ATP8A1: variants seen among roughly 807,000 people sequenced by gnomAD.
ATP8A1 encodes ATPase phospholipid transporting 8A1.
ATP8A1 carries 90 observed loss-of-function variants against 177.7 expected under a neutral mutation model. The ratio of observed to expected loss-of-function variants is 0.51; its 90% CI spans 0.43 to 0.60. The LOEUF (loss-of-function observed/expected upper bound fraction) is 0.60. Ranked by LOEUF, ATP8A1 falls within the 20% of genes least tolerant of loss-of-function variation. The pLI, the probability that ATP8A1 is intolerant of heterozygous loss-of-function variation, is 0.00. For synonymous variants in ATP8A1, 493 were observed against 485.9 expected (o/e 1.01, Z -0.19); for missense variants, 1,072 against 1,392.8 (o/e 0.77, Z 3.67).
intron 1 of ATP8A1, among the ~76,000 whole-genome samples, chr4:42,642,447 C>A (rs976620429): frequency 6.6e-6 from 1 of 152,132 alleles, no homozygotes; most frequent in Non-Finnish European, 1.5e-5. Context: ...AAGGAATGGT[C>A]GGCATCCTTC....
chr4:42,523,830 A>G (rs115609827), intron 21 of ATP8A1, among the ~76,000 whole-genome samples: 1,537 of 152,222 alleles, frequency 0.01, 24 homozygotes, highest in African/African-American at 0.036. Flanking sequence ...ATGCTTTTAC[A>G]TTTTGAAGAA....
intron 5 of ATP8A1, among the ~76,000 whole-genome samples, chr4:42,613,938 G>A (rs1230422555): frequency 1.3e-5 from 2 of 151,874 alleles, no homozygotes; most frequent in Non-Finnish European, 2.9e-5. Context: ...ATCTTAGGAT[G>A]AGAAACCTAC....
At chr4:42,650,146 G>A (rs1403021382) in intron 1 of ATP8A1, among the ~76,000 whole-genome samples, 1 of 152,180 alleles carries the variant, frequency 6.6e-6, no homozygotes, top group African/African-American at 2.4e-5. Context: ...TTAGGTATAT[G>A]CTTCAATTCT....
chr4:42,541,499 A>T lies in ATP8A1; in HGVS notation c.1722+2418T>A, dbSNP rs1310707029. Among the ~76,000 whole-genome samples, 3 of 152,350 alleles carry T rather than the reference A, an allele frequency of 2.0e-5. No individual in the cohort carries two copies. In the East Asian group the frequency reaches 5.8e-4, roughly 29 times the overall value. On this transcript the variant is annotated intron_variant, in intron 20 of 36. Transcript: ENST00000381668. ...AAATGAAACATACTCTTACTGTAAGATCTTGCAATTATTCTCCTTGGTATT... is the reference window on the plus strand; with the variant it reads ...AAATGAAACATACTCTTACTGTAAGTTCTTGCAATTATTCTCCTTGGTATT...
In ATP8A1 at chr4:42,522,152, C is replaced by A. The variant is rs764962706; in HGVS notation, c.1947+8G>T. 30 of 1,604,600 alleles carry A rather than the reference C, an allele frequency of 1.9e-5. No individual in the cohort carries two copies. The highest frequency in any genetic ancestry group is 2.5e-5 in the Non-Finnish European group (29 of 1,177,758). On this transcript the variant is annotated splice_region_variant and intron_variant, in intron 22 of 36. Transcript: ENST00000381668. ...CCCTCTGTATGATCAACAGAATCATCCACGTACCTTTTCAATCAACTCATA... is the reference window on the plus strand; with the variant it reads ...CCCTCTGTATGATCAACAGAATCATACACGTACCTTTTCAATCAACTCATA...
chr4:42,623,926 A>C (rs1737773579), intron 4 of ATP8A1, among the ~76,000 whole-genome samples: 1 of 152,148 alleles, frequency 6.6e-6, no homozygotes, highest in Non-Finnish European at 1.5e-5. Context: ...CCAAACCAAA[A>C]CAAAACATTG....
chr4:42,586,948 T>G (rs1733667672), intron 8 of ATP8A1, among the ~76,000 whole-genome samples: 1 of 152,208 alleles, frequency 6.6e-6, no homozygotes, highest in South Asian at 2.1e-4. Flanking sequence ...CAGCTGTCAC[T>G]GAGCAGGGCC....
At chr4:42,596,684 A>AAAG (rs1553913107) in intron 6 of ATP8A1, among the ~76,000 whole-genome samples, 1 of 150,466 alleles carries the variant, frequency 6.6e-6, no homozygotes, top group Non-Finnish European at 1.5e-5. Flanking sequence ...AAAAAAAAAA[A>AAAG]GAAAAGAAAA....
chr4:42,416,761 A>G (rs1038638749), intron 35 of ATP8A1, among the ~76,000 whole-genome samples: 7 of 150,928 alleles, frequency 4.6e-5, no homozygotes, highest in Admixed American at 1.3e-4. Context: ...GGATGCAGGG[A>G]GCTGTCAGCA....
chr4:42,541,442 C>T lies in ATP8A1; in HGVS notation c.1722+2475G>A, dbSNP rs540269506. On this transcript the variant is annotated intron_variant, in intron 20 of 36. Transcript: ENST00000381668. ...CTAATGGGAATGCAAAATGGCATAGCCACTTGGAAGACAGTTTGTCAGTTT... is the reference window on the plus strand; with the variant it reads ...CTAATGGGAATGCAAAATGGCATAGTCACTTGGAAGACAGTTTGTCAGTTT... 6.6e-5 allele frequency among the ~76,000 whole-genome samples: 10 copies of T among 152,248 alleles called. No homozygotes were observed. In the South Asian group the frequency reaches 1.9e-3, roughly 28 times the overall value.
intron 22 of ATP8A1, among the ~76,000 whole-genome samples, chr4:42,511,227 T>C (rs115327385): frequency 0.01 from 1,531 of 152,296 alleles, 25 homozygotes; most frequent in African/African-American, 0.035. Flanking sequence ...GAAATTAATA[T>C]TGTTAGCTAT....
chr4:42,603,065 A>T lies in ATP8A1; in HGVS notation c.410-2547T>A, dbSNP rs189848021. Among the ~76,000 whole-genome samples, 1,027 of 151,328 alleles carry T rather than the reference A, an allele frequency of 6.8e-3. 7 individuals carry two copies. The highest frequency in any genetic ancestry group is 0.024 in the Middle Eastern group (7 of 290). On this transcript the variant is annotated intron_variant, in intron 5 of 36. Transcript: ENST00000381668. ...CCAATAGTAATACTTAGTTTTTTTT[A>T]AAAAAAAACTATAAGTGTCCAATAT...
chr4:42,587,219 A>G (rs111373335), intron 8 of ATP8A1, among the ~76,000 whole-genome samples: 3,240 of 152,320 alleles, frequency 0.021, 58 homozygotes, highest in South Asian at 0.061. Flanking sequence ...CGGCTTTTTA[A>G]AAAACTTTAA....
In ATP8A1 at chr4:42,636,117, A is replaced by AAT. The variant is rs1560546375; in HGVS notation, c.50-9010_50-9009dup. On this transcript the variant is annotated intron_variant, in intron 1 of 36. Coordinates refer to ENST00000381668, the MANE Select transcript of ATP8A1 (RefSeq NM_006095.2). ...TTCTCCAAAGGAAAGCAATGGGCTT[A>AAT]ATACACACACACACACACACACACA... is the stretch of plus-strand genomic sequence containing the variant. Among the ~76,000 whole-genome samples the AAT allele has an allele frequency of 2.4e-4, 23 of 95,648 alleles. No individual in the cohort carries two copies. The South Asian group carries it at 7.8e-3, about 32-fold the overall frequency. The allele number at this position is 95,648 out of a possible 152,430, so 62.7% of individuals were successfully genotyped here.
intron 4 of ATP8A1, among the ~76,000 whole-genome samples, chr4:42,622,594 C>G (rs1737591617): frequency 6.6e-6 from 1 of 152,046 alleles, no homozygotes; most frequent in East Asian, 1.9e-4. Flanking sequence ...AAAAAAACAA[C>G]AGAGTAAACA....
At chr4:42,644,862 A>G (rs959654666) in intron 1 of ATP8A1, among the ~76,000 whole-genome samples, 5 of 152,190 alleles carry the variant, frequency 3.3e-5, no homozygotes, top group African/African-American at 9.7e-5. Flanking sequence ...AAATCAATAA[A>G]TCTAGACTGA....
Position 42,529,741 on chromosome 4 carries a change from C to T in ATP8A1, c.1723-4894G>A, listed in dbSNP as rs1039780933. Among the ~76,000 whole-genome samples, 10 of 152,126 alleles carry T rather than the reference C, an allele frequency of 6.6e-5. No homozygotes were observed. In the South Asian group the frequency reaches 1.0e-3, roughly 16 times the overall value. ...TACCCGAAAGTAGACAGCTGAAGCA[C>T]GACAGCCCCTTTCTAGGACATCCCT... On this transcript the variant is annotated intron_variant, in intron 20 of 36. Coordinates refer to ENST00000381668, the MANE Select transcript of ATP8A1 (RefSeq NM_006095.2).
intron 26 of ATP8A1, 36 bp from the exon 27 acceptor site, chr4:42,464,836 T>C: frequency 6.2e-7 from 1 of 1,612,108 alleles, no homozygotes; most frequent in Non-Finnish European, 8.5e-7. Flanking sequence ...GTATTTTCCT[T>C]TTCAAAGCAT....
chr4:42,455,240 T>C (rs1718352445), intron 29 of ATP8A1, 57 bp downstream of exon 29: 3 of 1,598,596 alleles, frequency 1.9e-6, no homozygotes, highest in Admixed American at 1.7e-5. Flanking sequence ...CCCCATATAA[T>C]GAGGGCAGTA....
Sources: allele counts gnomAD v4.1 joint callset (sites outside exome capture counted in the v4.1 genomes callset), GRCh38; gene constraint gnomAD v4.1.1; transcripts MANE v1.5; gene names NCBI Gene and HGNC (gene_info 2026-07-23, HGNC 2026-07-21).